CMAS: variants seen among roughly 807,000 people sequenced by gnomAD.
CMAS encodes N-acylneuraminate cytidylyltransferase.
A neutral mutation model predicts 53.4 loss-of-function variants in CMAS; 21 were observed. The ratio of observed to expected loss-of-function variants is 0.39; its 90% CI spans 0.28 to 0.57. The LOEUF (loss-of-function observed/expected upper bound fraction) is 0.57. Ranked by LOEUF, CMAS falls within the 20% of genes least tolerant of loss-of-function variation. The pLI, the probability that CMAS is intolerant of heterozygous loss-of-function variation, is 0.56. For synonymous variants in CMAS, 189 were observed against 195.2 expected (o/e 0.97, Z 0.27); for missense variants, 384 against 534.9 (o/e 0.72, Z 2.78).
chr12:22,062,842 G>A lies in CMAS; in HGVS notation c.1114+408G>A, dbSNP rs190994035. Among the ~76,000 whole-genome samples, 138 of 152,288 alleles carry A rather than the reference G, an allele frequency of 9.1e-4. 1 individual carries two copies. The highest frequency in any genetic ancestry group is 3.3e-3 in the African/African-American group (136 of 41,580). Reference sequence around the variant, plus strand: ...AATTACACTCTGAATAGTTTTTGCTGCTAATTGAATGTACATACTTTTTCC... The same window carrying A: ...AATTACACTCTGAATAGTTTTTGCTACTAATTGAATGTACATACTTTTTCC... On this transcript the variant is annotated intron_variant, in intron 7 of 7. Transcript: ENST00000229329.
chr12:22,058,970 G>T (rs1175495404), intron 4 of CMAS, among the ~76,000 whole-genome samples: 3 of 151,814 alleles, frequency 2.0e-5, no homozygotes, highest in Non-Finnish European at 4.4e-5. Context: ...ACATGTCCTG[G>T]TACTCATATT....
intron 4 of CMAS, among the ~76,000 whole-genome samples, chr12:22,059,867 A>G (rs1950296608): frequency 6.6e-6 from 1 of 152,152 alleles, no homozygotes; most frequent in Non-Finnish European, 1.5e-5. Context: ...TGAAATTGAA[A>G]TTGTCCAGTA....
chr12:22,062,259 CCTTTTT>C lies in CMAS; in HGVS notation c.961-21_961-16del, dbSNP rs775875432. ...TTAATTTTTCCCTTCTTCCTCCAAT[CCTTTTT>C]TTTTTTTTTTTTAAGGTGAGGCTAA... On this transcript the variant is annotated splice_polypyrimidine_tract_variant and intron_variant, in intron 6 of 7. Coordinates refer to ENST00000229329, the MANE Select transcript of CMAS (RefSeq NM_018686.6). 37 of 1,376,180 alleles carry C rather than the reference CCTTTTT, an allele frequency of 2.7e-5. No homozygotes were observed. The highest frequency in any genetic ancestry group is 3.6e-5 in the Non-Finnish European group (37 of 1,027,358). The allele number at this position is 1,376,180 out of a possible 1,614,324, so 85.2% of individuals were successfully genotyped here.
Position 22,062,260 on chromosome 12 carries a change from CTTTTT to C in CMAS, c.961-8_961-4del, listed in dbSNP as rs33946820. ...TAATTTTTCCCTTCTTCCTCCAATC[CTTTTT>C]TTTTTTTTTTTTAAGGTGAGGCTAA... is the stretch of plus-strand genomic sequence containing the variant. On this transcript the variant is annotated splice_polypyrimidine_tract_variant and intron_variant, in intron 6 of 7. Coordinates refer to ENST00000229329, the MANE Select transcript of CMAS (RefSeq NM_018686.6). The C allele has an allele frequency of 8.0e-4, 1,132 of 1,412,658 alleles. No individual in the cohort carries two copies. Among genetic ancestry groups the C allele is most frequent in the South Asian group, 4.6e-3 (323 of 69,668 alleles). 87.5% of individuals were successfully genotyped at this position (1,412,658 alleles called of 1,614,324 possible).
intron 3 of CMAS, among the ~76,000 whole-genome samples, chr12:22,057,914 C>A (rs7960778): frequency 6.6e-5 from 10 of 150,382 alleles, no homozygotes; most frequent in South Asian, 2.1e-4. Context: ...TGCAATCTCC[C>A]CCCCCCGGGT....
chr12:22,050,993 A>G (rs938736897), intron 1 of CMAS, among the ~76,000 whole-genome samples: 1 of 152,074 alleles, frequency 6.6e-6, no homozygotes, highest in Non-Finnish European at 1.5e-5. Flanking sequence ...TCTTCAAAAA[A>G]TGTTTACCTT....
intron 3 of CMAS, among the ~76,000 whole-genome samples, chr12:22,056,643 C>T (rs1270064293): frequency 6.6e-6 from 1 of 152,154 alleles, no homozygotes; most frequent in Non-Finnish European, 1.5e-5. Flanking sequence ...CTTTCCAGCC[C>T]ATTCCCAGCT....
chr12:22,053,435 G>A (rs867285991), intron 1 of CMAS, among the ~76,000 whole-genome samples: 14 of 146,914 alleles, frequency 9.5e-5, no homozygotes, highest in East Asian at 4.0e-4. Context: ...ATATATACAC[G>A]TTATATATAA....
chr12:22,062,457 A>G (rs780989318), intron 7 of CMAS, 23 bp downstream of exon 7: 2 of 1,604,076 alleles, frequency 1.2e-6, no homozygotes, highest in South Asian at 2.2e-5. Context: ...TTATTCACCC[A>G]TAGTAAAATG....
At chr12:22,054,029 C>T (rs907038549) in intron 1 of CMAS, among the ~76,000 whole-genome samples, 5 of 151,446 alleles carry the variant, frequency 3.3e-5, no homozygotes, top group African/African-American at 1.2e-4. Context: ...CAGGTTCAAG[C>T]GATCCTCCTG....
chr12:22,063,381 G>A lies in CMAS; in HGVS notation c.1114+947G>A, dbSNP rs114675971. The stretch of plus-strand genomic sequence containing the variant: ...TTAAAGACAGATCCAATTTTTATTA[G>A]AAGAAAATTTTAGTGGAATGTATAA... On this transcript the variant is annotated intron_variant, in intron 7 of 7. Coordinates refer to ENST00000229329, the MANE Select transcript of CMAS (RefSeq NM_018686.6). 9.5e-3 allele frequency among the ~76,000 whole-genome samples: 1,452 copies of A among 152,234 alleles called. 26 individuals carry two copies. Among genetic ancestry groups the A allele is most frequent in the African/African-American group, 0.033 (1,388 of 41,542 alleles).
chr12:22,065,350 C>T lies in CMAS; in HGVS notation c.*39C>T, dbSNP rs755871860. ...ATTGAGAAAAAAATGATACAGCCTT[C>T]TTCAGCCAGTTTGCTTTTATTTTTG... On this transcript the variant is annotated 3_prime_UTR_variant, in exon 8 of 8. Transcript: ENST00000229329. The T allele has an allele frequency of 5.3e-6, 8 of 1,505,880 alleles. No individual in the cohort carries two copies. The highest frequency in any genetic ancestry group is 3.5e-4 in the Middle Eastern group (2 of 5,694). 93.3% of individuals were successfully genotyped at this position (1,505,880 alleles called of 1,614,324 possible).
chr12:22,065,420 G>C lies in CMAS; in HGVS notation c.*109G>C. The C allele has an allele frequency of 1.2e-6, 1 of 804,656 alleles. No individual in the cohort carries two copies. The highest frequency in any genetic ancestry group is 2.0e-6 in the Non-Finnish European group (1 of 507,634). 49.8% of individuals were successfully genotyped at this position (804,656 alleles called of 1,614,324 possible). On this transcript the variant is annotated 3_prime_UTR_variant, in exon 8 of 8. Transcript: ENST00000229329. ...GTAATGTTACAGAGAGTGTGATTTG[G>C]TTTGTGATATATATATATTGTGCTC... is the stretch of plus-strand genomic sequence containing the variant.
At chr12:22,064,074 CTTTTT>C (rs938043581) in intron 7 of CMAS, 7 of 152,140 alleles carry the variant, frequency 4.6e-5, no homozygotes, top group East Asian at 3.9e-4. Context: ...CAAATACTAA[CTTTTT>C]TTATTTTAGT....
At chr12:22,059,990 C>G (rs1486025451) in intron 4 of CMAS, among the ~76,000 whole-genome samples, 2 of 152,062 alleles carry the variant, frequency 1.3e-5, no homozygotes, top group Non-Finnish European at 2.9e-5. Flanking sequence ...ACTTGGATGA[C>G]TATTAGTCAT....
intron 1 of CMAS, among the ~76,000 whole-genome samples, chr12:22,054,495 C>T (rs1164340251): frequency 6.6e-6 from 1 of 152,078 alleles, no homozygotes; most frequent in Non-Finnish European, 1.5e-5. Flanking sequence ...TCTATATACC[C>T]ATTGTTTGTT....
chr12:22,053,390 TACACACACAC>T (rs748511195), intron 1 of CMAS, among the ~76,000 whole-genome samples: 5 of 150,600 alleles, frequency 3.3e-5, no homozygotes, highest in African/African-American at 1.2e-4. Flanking sequence ...TGTATACATA[TACACACACAC>T]ATATACACAT....
At position 22,061,468 on chromosome 12, in the gene CMAS, A is replaced by G. The variant is rs117635189; in HGVS notation, c.960+16A>G. On this transcript the variant is annotated intron_variant, in intron 6 of 7. Transcript: ENST00000229329. Reference sequence around the variant, plus strand: ...TGGTATTGAGGTATGTGCTCCCTGAATATAGCAGTATTTTATAATATTTTG... The same window carrying G: ...TGGTATTGAGGTATGTGCTCCCTGAGTATAGCAGTATTTTATAATATTTTG... The G allele has an allele frequency of 5.2e-3, 7,699 of 1,476,518 alleles. 234 individuals are homozygous for G. The East Asian group carries it at 0.08, about 15-fold the overall frequency. The allele number at this position is 1,476,518 out of a possible 1,614,324, so 91.5% of individuals were successfully genotyped here.
chr12:22,053,835 C>T (rs1226227077), intron 1 of CMAS, among the ~76,000 whole-genome samples: 2 of 148,234 alleles, frequency 1.3e-5, no homozygotes, highest in African/African-American at 2.5e-5. Flanking sequence ...GCCGAGATCG[C>T]GCCACTGCAC....
Sources: gnomAD v4.1 joint callset for allele counts (sites outside exome capture counted in the v4.1 genomes callset) on GRCh38, gnomAD v4.1.1 for gene constraint, MANE v1.5 for transcripts, NCBI Gene and HGNC (gene_info 2026-07-23, HGNC 2026-07-21) for gene names.